DMXL1: variants seen among roughly 807,000 people sequenced by gnomAD.
The protein encoded by DMXL1 is Dmx like 1.
A neutral mutation model predicts 319.2 loss-of-function variants in DMXL1; 99 were observed. The ratio of observed to expected loss-of-function variants is 0.31; its 90% CI spans 0.26 to 0.37. DMXL1 has a LOEUF of 0.37. DMXL1 is among the 10% of genes least tolerant of loss of function. DMXL1 has a pLI of 1.00. For missense variants in DMXL1, 3,745 were observed against 3,595.6 expected (o/e 1.04, Z -1.06); for synonymous variants, 1,385 against 1,235.2 (o/e 1.12, Z -2.54).
chr5:119,090,608 G>C (rs1269157169), intron 1 of DMXL1, among the ~76,000 whole-genome samples: 4 of 148,004 alleles, frequency 2.7e-5, no homozygotes, highest in African/African-American at 1.0e-4. Context: ...TTTTGCCCAG[G>C]CTGGGGTGCA....
intron 38 of DMXL1, 67 bp from the exon 39 acceptor site, chr5:119,233,273 A>G: frequency 1.3e-6 from 2 of 1,517,184 alleles, no homozygotes; most frequent in Non-Finnish European, 1.8e-6. Context: ...TTCACATAGG[A>G]TAAAGAAATA....
chr5:119,114,859 G>A (rs1287956299), intron 6 of DMXL1, among the ~76,000 whole-genome samples: 4 of 152,024 alleles, frequency 2.6e-5, no homozygotes, highest in Non-Finnish European at 2.9e-5. Flanking sequence ...TAATAGAGAC[G>A]GGATTTCACC....
intron 28 of DMXL1, among the ~76,000 whole-genome samples, chr5:119,185,783 A>G (rs1341490239): frequency 6.6e-6 from 1 of 151,898 alleles, no homozygotes; most frequent in Non-Finnish European, 1.5e-5. Context: ...GATTACAGGC[A>G]TGATCCACTG....
intron 28 of DMXL1, 21 bp from the exon 29 acceptor site, chr5:119,189,687 A>T (rs748049684): frequency 1.2e-6 from 2 of 1,609,484 alleles, no homozygotes; most frequent in Non-Finnish European, 1.7e-6. Flanking sequence ...CTTCAGTAAC[A>T]TTTTATTTTC....
chr5:119,199,918 G>T (rs1780389060), intron 32 of DMXL1, among the ~76,000 whole-genome samples: 1 of 152,092 alleles, frequency 6.6e-6, no homozygotes, highest in Non-Finnish European at 1.5e-5. Flanking sequence ...CTTTTTAATG[G>T]TGGTGTTTGT....
chr5:119,136,354 C>T (rs940218075), intron 13 of DMXL1, among the ~76,000 whole-genome samples: 3 of 152,152 alleles, frequency 2.0e-5, no homozygotes, highest in South Asian at 2.1e-4. Context: ...TGTTAACTTA[C>T]GTTTAAAAGG....
intron 25 of DMXL1, among the ~76,000 whole-genome samples, chr5:119,173,456 A>G (rs1384205190): frequency 6.6e-6 from 1 of 151,370 alleles, no homozygotes; most frequent in Admixed American, 6.6e-5. Flanking sequence ...GGTTTGGGCC[A>G]GCTATACTAA....
Position 119,100,430 on chromosome 5 carries a change from C to T in DMXL1, c.214-1505C>T, listed in dbSNP as rs1031597768. ...CAACCTGGGTAACAGTGTGAGACTC[C>T]GTCTCATAAAAAAAAAAAAAAAGAA... On this transcript the variant is annotated intron_variant, in intron 2 of 43. Coordinates refer to ENST00000539542, the MANE Select transcript of DMXL1 (RefSeq NM_001290321.3). Among the ~76,000 whole-genome samples the T allele has an allele frequency of 6.9e-4, 104 of 149,830 alleles. 1 individual carries two copies. Among genetic ancestry groups the T allele is most frequent in the Non-Finnish European group, 2.2e-4 (15 of 67,584 alleles).
At chr5:119,169,062 T>C (rs1327989526) in intron 23 of DMXL1, among the ~76,000 whole-genome samples, 2 of 151,948 alleles carry the variant, frequency 1.3e-5, no homozygotes, top group South Asian at 2.1e-4. Context: ...CCACCATGCC[T>C]AGCTAATTTT....
At position 119,116,242 on chromosome 5, in the gene DMXL1, T is replaced by C; in HGVS notation, c.649T>C (p.Ser217Pro). 6.2e-7 allele frequency: 1 copy of C among 1,613,940 alleles called. No homozygotes were observed. The highest frequency in any genetic ancestry group is 8.5e-7 in the Non-Finnish European group (1 of 1,179,964). ...TSPDGSSEKQ[S>P]QGEIDFSFVY... The stretch of plus-strand genomic sequence containing the variant: ...TCCAGATGGAAGTTCAGAAAAACAA[T>C]CCCAAGGAGAAATTGACTTTTCTTT... Residue 217 changes from serine to proline, a missense_variant, in exon 7 of 44, where the codon TCC becomes CCC. Physicochemically the swap from Ser to Pro is moderately conservative, Grantham distance 74 (BLOSUM62 -1). This residue lies in a region of DMXL1 where 2,096 missense variants were observed against 1,985.4 expected (regional missense o/e 1.06). Coordinates refer to ENST00000539542, the MANE Select transcript of DMXL1 (RefSeq NM_001290321.3).
intron 23 of DMXL1, among the ~76,000 whole-genome samples, chr5:119,168,895 C>G (rs796718760): frequency 1.8e-4 from 28 of 151,662 alleles, no homozygotes; most frequent in African/African-American, 6.5e-4. Flanking sequence ...CTTGTCTTTT[C>G]TCTTTTCTTT....
At chr5:119,073,012 A>G (rs1299919585) in intron 1 of DMXL1, among the ~76,000 whole-genome samples, 1 of 152,190 alleles carries the variant, frequency 6.6e-6, no homozygotes, top group Non-Finnish European at 1.5e-5. Flanking sequence ...ATTCTCTGTC[A>G]TTTCCTAAAT....
chr5:119,145,367 T>C (rs1216357313), intron 15 of DMXL1, among the ~76,000 whole-genome samples: 1 of 151,800 alleles, frequency 6.6e-6, no homozygotes, highest in East Asian at 1.9e-4. Flanking sequence ...CACTTTTATG[T>C]TGACATCTAA....
intron 32 of DMXL1, among the ~76,000 whole-genome samples, chr5:119,198,940 A>C (rs890772941): frequency 6.6e-6 from 1 of 152,112 alleles, no homozygotes; most frequent in Admixed American, 6.6e-5. Flanking sequence ...AGGCTGGAGT[A>C]GAGTGGCACA....
At chr5:119,210,761 T>G (rs1255464866) in intron 34 of DMXL1, among the ~76,000 whole-genome samples, 1 of 146,436 alleles carries the variant, frequency 6.8e-6, no homozygotes, top group African/African-American at 2.5e-5. Context: ...TCTTTCGTTT[T>G]TTTTTTTTTT....
At chr5:119,116,367 T>C (rs79966195) in intron 7 of DMXL1, 31 bp downstream of exon 7, 3 of 1,591,494 alleles carry the variant, frequency 1.9e-6, no homozygotes, top group African/African-American at 1.4e-5. Flanking sequence ...CCTCCACATA[T>C]TAAGGGAGCA....
intron 42 of DMXL1, among the ~76,000 whole-genome samples, chr5:119,240,960 G>A (rs1788666310): frequency 6.6e-6 from 1 of 152,092 alleles, no homozygotes; most frequent in South Asian, 2.1e-4. Context: ...CAGGATACAA[G>A]GTCAATATAC....
rs549404775 is a variant in DMXL1 at position 119,167,589 on chromosome 5, A to AT, written c.5137-5dup. 1.8e-4 allele frequency: 270 copies of AT among 1,528,320 alleles called. No individual in the cohort carries two copies. The highest frequency in any genetic ancestry group is 3.6e-4 in the African/African-American group (26 of 71,620). The allele number at this position is 1,528,320 out of a possible 1,614,324, so 94.7% of individuals were successfully genotyped here. A position where few individuals can be genotyped will look rare whatever the true frequency, so the allele number is the denominator to read the frequency against. ...CTGCTCCTGCTTATTTAAAAACAAT[A>AT]TTTTTTTTTAAAGGTATGTCTTGAG... On this transcript the variant is annotated splice_polypyrimidine_tract_variant and intron_variant, in intron 22 of 43. Transcript: ENST00000539542.
At chr5:119,072,934 T>C (rs1171410171) in intron 1 of DMXL1, among the ~76,000 whole-genome samples, 1 of 152,200 alleles carries the variant, frequency 6.6e-6, no homozygotes, top group Admixed American at 6.6e-5. Flanking sequence ...CTCTTGCTGC[T>C]TGAGAGGAAA....
Sources: gnomAD v4.1 joint callset for allele counts (sites outside exome capture counted in the v4.1 genomes callset) on GRCh38, gnomAD v4.1.1 for gene constraint, gnomAD v4.1.1 regional missense constraint, MANE v1.5 for transcripts, NCBI Gene and HGNC (gene_info 2026-07-23, HGNC 2026-07-21) for gene names.